DSG4: variants seen among roughly 807,000 people sequenced by gnomAD.
The protein encoded by DSG4 is desmoglein 4.
Under a neutral mutation model 93.1 loss-of-function variants are expected in DSG4, and 87 were observed. That is an observed-to-expected ratio of 0.93 (90% CI 0.79 to 1.12). The LOEUF is 1.12. Ranked by LOEUF, DSG4 falls within the 50% of genes most tolerant of loss-of-function variation. The probability of loss-of-function intolerance (pLI) is 0.00; values close to 1 mark genes in which losing one functional copy is unlikely to be tolerated. For missense variants in DSG4, 1,373 were observed against 1,285.7 expected, an observed-to-expected ratio of 1.07 and a Z score of -1.04; for synonymous variants, 432 against 452.9, an observed-to-expected ratio of 0.95 and a Z score of 0.59.
chr18:31,409,461 T>C lies in DSG4; in HGVS notation c.1943T>C (p.Leu648Pro). 1 of 1,614,190 alleles carries C rather than the reference T, an allele frequency of 6.2e-7. No homozygotes were observed. The highest frequency in any genetic ancestry group is 8.5e-7 in the Non-Finnish European group (1 of 1,180,034). ...TCACTTTCTTGGGCAGTGGCTCCAC[T>C]CTTGCTGCTCCTGTGTTGCTGCAAA... ...LGILLLILAP[L>P]LLLLCCCKQR... The change falls in exon 13 of 16, where the codon CTC becomes CCC. Residue 648 changes from leucine to proline, a missense_variant. Physicochemically the swap from Leu to Pro is moderately conservative, Grantham distance 98. Transcript: ENST00000308128.
chr18:31,392,056 C>T, intron 7 of DSG4, 99 bp from the exon 8 acceptor site: 1 of 1,148,402 alleles, frequency 8.7e-7, no homozygotes, highest in South Asian at 1.4e-5. Context: ...AAATCATCGA[C>T]ATAGTTTGTT....
intron 7 of DSG4, among the ~76,000 whole-genome samples, chr18:31,391,560 C>G (rs1338315053): frequency 6.6e-6 from 1 of 152,026 alleles, no homozygotes; most frequent in Non-Finnish European, 1.5e-5. Context: ...ATGAATTCTA[C>G]TAGAGTCCCA....
intron 10 of DSG4, among the ~76,000 whole-genome samples, chr18:31,402,660 T>C (rs535019483): frequency 1.3e-5 from 2 of 151,858 alleles, no homozygotes; most frequent in Admixed American, 1.3e-4. Flanking sequence ...GACAACGTTC[T>C]AGTTTAAAAG....
chr18:31,410,367 ATAGAT>A (rs2072473317), intron 14 of DSG4, among the ~76,000 whole-genome samples: 2 of 151,434 alleles, frequency 1.3e-5, no homozygotes, highest in Non-Finnish European at 2.9e-5. Flanking sequence ...CATATATTGT[ATAGAT>A]TATTTTATTA....
At chr18:31,399,870 T>C (rs1011439050) in intron 9 of DSG4, among the ~76,000 whole-genome samples, 2 of 152,154 alleles carry the variant, frequency 1.3e-5, no homozygotes, top group African/African-American at 4.8e-5. Context: ...TTAAGCCATA[T>C]TGTGGGCAAT....
Position 31,413,698 on chromosome 18 carries a change from TACTC to T in DSG4, c.*105_*108del, listed in dbSNP as rs2072525860. 1.4e-6 allele frequency: 2 copies of T among 1,423,986 alleles called. No homozygotes were observed. The highest frequency in any genetic ancestry group is 2.4e-5 in the East Asian group (1 of 41,926). 88.2% of individuals were successfully genotyped at this position (1,423,986 alleles called of 1,614,324 possible). On this transcript the variant is annotated 3_prime_UTR_variant, in exon 16 of 16. Transcript: ENST00000308128. Reference sequence around the variant, plus strand: ...ACCATATATATTAATAGTCAACAAATACTCAGATATTCTAAGGTCAATGCCATTA... The same window carrying T: ...ACCATATATATTAATAGTCAACAAATAGATATTCTAAGGTCAATGCCATTA...
chr18:31,408,751 GA>G (rs1313482913), intron 12 of DSG4, among the ~76,000 whole-genome samples: 1 of 152,118 alleles, frequency 6.6e-6, no homozygotes, highest in African/African-American at 2.4e-5. Context: ...AGGAAAGTAT[GA>G]AAAGCAACCA....
chr18:31,390,509 C>G (rs1419620739), intron 5 of DSG4, 147 bp from the exon 6 acceptor site: 2 of 913,954 alleles, frequency 2.2e-6, no homozygotes, highest in East Asian at 5.2e-5. Context: ...ACTGGTAGAG[C>G]TGAAAGTTAT....
At chr18:31,381,410 TAGTC>T (rs1458812315) in intron 1 of DSG4, among the ~76,000 whole-genome samples, 4 of 152,248 alleles carry the variant, frequency 2.6e-5, no homozygotes, top group Admixed American at 2.6e-4. Context: ...TGGGATAAAT[TAGTC>T]AGACAGCTCA....
At chr18:31,407,747 A>G (rs2072443288) in intron 12 of DSG4, among the ~76,000 whole-genome samples, 1 of 152,230 alleles carries the variant, frequency 6.6e-6, no homozygotes, top group Non-Finnish European at 1.5e-5. Flanking sequence ...GATTCTCACA[A>G]TGATATTAGA....
intron 1 of DSG4, among the ~76,000 whole-genome samples, chr18:31,377,901 C>T (rs999090768): frequency 6.6e-6 from 1 of 152,188 alleles, no homozygotes. Context: ...GATTCCCATC[C>T]TATTCTTAGG....
Position 31,392,142 on chromosome 18 carries a change from C to A in DSG4, c.820-13C>A. On this transcript the variant is annotated splice_polypyrimidine_tract_variant and intron_variant, in intron 7 of 15. Coordinates refer to ENST00000308128, the MANE Select transcript of DSG4 (RefSeq NM_177986.5). The stretch of plus-strand genomic sequence containing the variant: ...AAAATTCATTGACTACAAAATTGAT[C>A]CTTGCATTTTAGTACTCAGCCAGTA... 6 of 1,612,800 alleles carry A rather than the reference C, an allele frequency of 3.7e-6. No individual in the cohort carries two copies. The highest frequency in any genetic ancestry group is 5.1e-6 in the Non-Finnish European group (6 of 1,179,152).
intron 1 of DSG4, among the ~76,000 whole-genome samples, chr18:31,381,852 G>C (rs1186338846): frequency 7.0e-6 from 1 of 142,282 alleles, no homozygotes; most frequent in Admixed American, 7.1e-5. Flanking sequence ...TGTATTTTTA[G>C]TAGAGATGGG....
intron 5 of DSG4, among the ~76,000 whole-genome samples, chr18:31,389,854 G>A (rs1367652395): frequency 6.6e-6 from 1 of 152,136 alleles, no homozygotes; most frequent in African/African-American, 2.4e-5. Flanking sequence ...GAGAGGCAAA[G>A]AGATTTTGCC....
rs199759391 is a variant in DSG4, at chr18:31,399,445, T to A, written c.1179T>A (p.Ser393Arg). Residue 393 changes from serine (S) to arginine (R), a missense_variant, in exon 9 of 16, where the codon AGT becomes AGA. Transcript: ENST00000308128. Reference protein sequence around the residue: ...PAFHPSTMAFSVREGIKGSSL... With the variant: ...PAFHPSTMAFRVREGIKGSSL... ...TTCATCCAAGTACTATGGCTTTTAG[T>A]GTGCGGGAAGGAATAAAAGGAAGTT... is the stretch of plus-strand genomic sequence containing the variant. The A allele has an allele frequency of 2.5e-6, 4 of 1,614,076 alleles. No individual in the cohort carries two copies. In the African/African-American group the frequency reaches 4.0e-5, roughly 16 times the overall value.
intron 12 of DSG4, among the ~76,000 whole-genome samples, chr18:31,407,725 A>G (rs1206127815): frequency 6.6e-6 from 1 of 152,208 alleles, no homozygotes; most frequent in Non-Finnish European, 1.5e-5. Flanking sequence ...AAGCTATGCA[A>G]AGATCATGAG....
intron 8 of DSG4, among the ~76,000 whole-genome samples, chr18:31,396,675 A>G (rs1341324331): frequency 6.6e-6 from 1 of 152,104 alleles, no homozygotes; most frequent in Non-Finnish European, 1.5e-5. Flanking sequence ...ATTTTTAGAG[A>G]AAGTGAAACA....
chr18:31,385,476 G>A (rs532289711), intron 2 of DSG4, among the ~76,000 whole-genome samples: 91 of 152,220 alleles, frequency 6.0e-4, no homozygotes, highest in African/African-American at 2.2e-3. Context: ...TTTAGAGTGG[G>A]AAGAGACTGT....
At chr18:31,403,706 G>A (rs1438288377) in intron 11 of DSG4, 72 bp downstream of exon 11, 10 of 1,397,178 alleles carry the variant, frequency 7.2e-6, no homozygotes, top group Non-Finnish European at 1.0e-5. Context: ...AATGTGGCAA[G>A]TCACTTAATA....
Sources: allele counts gnomAD v4.1 joint callset (sites outside exome capture counted in the v4.1 genomes callset), GRCh38; gene constraint gnomAD v4.1.1; transcripts MANE v1.5; gene names NCBI Gene and HGNC (gene_info 2026-07-23, HGNC 2026-07-21).